SAMHD1: variants seen among roughly 807,000 people sequenced by gnomAD.
SAMHD1 encodes the protein deoxynucleoside triphosphate triphosphohydrolase SAMHD1.
SAMHD1 carries 54 observed loss-of-function variants against 79.6 expected under a neutral mutation model. The observed-to-expected ratio is 0.68, with a 90% CI of 0.55 to 0.85. The LOEUF (loss-of-function observed/expected upper bound fraction) is 0.85, where lower values mean the gene tolerates loss of function less well. Ranked by LOEUF, SAMHD1 falls within the 40% of genes least tolerant of loss-of-function variation. The pLI is 0.00. For synonymous variants in SAMHD1, 260 were observed against 264.1 expected (o/e 0.98, Z 0.15); for missense variants, 663 against 782.7 (o/e 0.85, Z 1.82).
rs1178988134 is a variant in SAMHD1 at position 36,939,075 on chromosome 20, C to CA, written c.348+1963dup. Among the ~76,000 whole-genome samples, 162 of 22,532 alleles carry CA rather than the reference C, an allele frequency of 7.2e-3. 13 individuals carry two copies. The highest frequency in any genetic ancestry group is 0.17 in the Middle Eastern group (2 of 12). 14.8% of individuals were successfully genotyped at this position (22,532 alleles called of 152,430 possible). ...GAAACCTTGCCTCTACTAAAAATAC[C>CA]AAAAAAAAAAAAAAAAAAAAAAAAA... On this transcript the variant is annotated intron_variant, in intron 3 of 15. Transcript: ENST00000646673.
chr20:36,911,009 C>CT (rs1188426013), intron 11 of SAMHD1, among the ~76,000 whole-genome samples: 2 of 152,100 alleles, frequency 1.3e-5, no homozygotes, highest in Non-Finnish European at 2.9e-5. Context: ...AATCCTAGCA[C>CT]TTTGGGAGTC....
chr20:36,927,194 C>T lies in SAMHD1; in HGVS notation c.684G>A (p.Glu228=). Residue 228 remains glutamate, a synonymous_variant, in exon 6 of 16, where the codon GAG becomes GAA. Coordinates refer to ENST00000646673, the MANE Select transcript of SAMHD1 (RefSeq NM_015474.4). ...TATGAATACATACCGTCCATTTCAC[C>T]TCCGGGCGAGCAAGTGGAATAAATC... The part of the protein sequence containing the change: ...DGRFIPLARP[E]VKWTHEQGSV... The T allele has an allele frequency of 6.2e-7, 1 of 1,613,790 alleles. No homozygotes were observed. The highest frequency in any genetic ancestry group is 8.5e-7 in the Non-Finnish European group (1 of 1,179,786).
chr20:36,944,961 A>G (rs907708331), intron 2 of SAMHD1, among the ~76,000 whole-genome samples: 1 of 152,208 alleles, frequency 6.6e-6, no homozygotes, highest in African/African-American at 2.4e-5. Flanking sequence ...ACTCTAATCT[A>G]GACCCTAGAA....
At chr20:36,930,050 T>G (rs1414844142) in intron 5 of SAMHD1, among the ~76,000 whole-genome samples, 2 of 124,944 alleles carry the variant, frequency 1.6e-5, no homozygotes, top group African/African-American at 6.3e-5. Context: ...TATAGCGAGA[T>G]CCTGTTCTCC....
At chr20:36,925,900 ACT>A (rs1420876192) in intron 6 of SAMHD1, among the ~76,000 whole-genome samples, 1 of 151,916 alleles carries the variant, frequency 6.6e-6, no homozygotes, top group African/African-American at 2.4e-5. Context: ...GCATTGGAAA[ACT>A]CTGGTAGTTT....
At position 36,892,891 on chromosome 20, in the gene SAMHD1, T is replaced by G. The variant is rs1182228033; in HGVS notation, c.*41A>C. On this transcript the variant is annotated 3_prime_UTR_variant, in exon 16 of 16. Coordinates refer to ENST00000646673, the MANE Select transcript of SAMHD1 (RefSeq NM_015474.4). ...CTATGATTGAAGCCTCTAAATGAAT[T>G]GTGCAGGAGAGGGAGTTTGTAAACA... The G allele has an allele frequency of 6.2e-7, 1 of 1,612,654 alleles. No homozygotes were observed. The highest frequency in any genetic ancestry group is 1.7e-5 in the Admixed American group (1 of 60,002).
At chr20:36,912,397 A>T in intron 10 of SAMHD1, 64 bp downstream of exon 10, 1 of 935,636 alleles carries the variant, frequency 1.1e-6, no homozygotes, top group Non-Finnish European at 1.8e-6. Flanking sequence ...AGTTGAGCCT[A>T]GTATGATACT....
chr20:36,918,663 G>A (rs1005488722), intron 7 of SAMHD1, among the ~76,000 whole-genome samples: 1 of 151,542 alleles, frequency 6.6e-6, no homozygotes, highest in Admixed American at 6.6e-5. Flanking sequence ...TTTGCCGGGC[G>A]TGGTGGCACA....
intron 3 of SAMHD1, among the ~76,000 whole-genome samples, chr20:36,936,840 T>C (rs1046950210): frequency 4.6e-5 from 7 of 152,146 alleles, no homozygotes; most frequent in Middle Eastern, 6.8e-3. Flanking sequence ...TTTCTTTTTT[T>C]GGTAGAGATG....
chr20:36,893,211 A>G, intron 15 of SAMHD1, 145 bp from the exon 16 acceptor site: 1 of 983,096 alleles, frequency 1.0e-6, no homozygotes, highest in Non-Finnish European at 1.5e-6. Context: ...ACTCCAAATT[A>G]CATATGCCCT....
intron 15 of SAMHD1, 49 bp from the exon 16 acceptor site, chr20:36,893,115 A>G (rs776267197): frequency 1.2e-6 from 2 of 1,604,280 alleles, no homozygotes; most frequent in Admixed American, 1.7e-5. Flanking sequence ...GCCAGTTTCC[A>G]TCATCTTATT....
chr20:36,919,656 A>C, intron 6 of SAMHD1, 137 bp from the exon 7 acceptor site: 2 of 798,772 alleles, frequency 2.5e-6, no homozygotes, highest in Non-Finnish European at 4.0e-6. Flanking sequence ...TCTAACCACA[A>C]TCTTAGGAAC....
chr20:36,915,476 CCT>C (rs1568768782), intron 9 of SAMHD1, among the ~76,000 whole-genome samples: 9 of 152,266 alleles, frequency 5.9e-5, no homozygotes, highest in Admixed American at 2.0e-4. Context: ...GTGGCTTACA[CCT>C]ATAATGCCAG....
intron 3 of SAMHD1, among the ~76,000 whole-genome samples, chr20:36,939,253 CAAAAAAAAAAAAAAA>C (rs57018620): frequency 1.9e-4 from 7 of 36,636 alleles, no homozygotes; most frequent in Admixed American, 1.0e-3. Context: ...GACTCCCTCT[CAAAAAAAAAAAAAAA>C]AAAAAAAAAA....
At chr20:36,906,461 C>T (rs778016438) in intron 11 of SAMHD1, among the ~76,000 whole-genome samples, 21 of 152,024 alleles carry the variant, frequency 1.4e-4, no homozygotes, top group Admixed American at 1.1e-3. Flanking sequence ...AAAAAGAGAA[C>T]GGTCCTGAAG....
rs141205591 is a variant in SAMHD1 at position 36,921,280 on chromosome 20, C to G, written c.697-1761G>C. 8.1e-3 allele frequency among the ~76,000 whole-genome samples: 1,207 copies of G among 149,728 alleles called. 14 individuals are homozygous for G. The highest frequency in any genetic ancestry group is 0.027 in the African/African-American group (1,101 of 40,722). ...TGGTGGCATGCACCTGTAGTCCCAG[C>G]TACTCAGGAGGCTGAAGCAGGAGAA... is the stretch of plus-strand genomic sequence containing the variant. On this transcript the variant is annotated intron_variant, in intron 6 of 15. Coordinates refer to ENST00000646673, the MANE Select transcript of SAMHD1 (RefSeq NM_015474.4).
intron 11 of SAMHD1, among the ~76,000 whole-genome samples, chr20:36,909,443 T>A (rs977622474): frequency 1.3e-5 from 2 of 151,726 alleles, no homozygotes; most frequent in African/African-American, 4.8e-5. Flanking sequence ...CCGAGGCAGA[T>A]GGATCATCTG....
intron 3 of SAMHD1, among the ~76,000 whole-genome samples, chr20:36,936,296 T>C (rs1237322025): frequency 6.6e-6 from 1 of 152,032 alleles, no homozygotes; most frequent in Non-Finnish European, 1.5e-5. Context: ...AATGTGTTTA[T>C]GTGTGTGTGT....
In SAMHD1 at chr20:36,891,957, C is replaced by G. The variant is rs1990085208; in HGVS notation, c.*975G>C. The stretch of plus-strand genomic sequence containing the variant: ...CCTGTGATGGCCTCTGGCCAGCTCT[C>G]CAGGATACTGAGAGAGCAGGTCAGG... On this transcript the variant is annotated 3_prime_UTR_variant, in exon 16 of 16. Transcript: ENST00000646673. 1 of 152,364 alleles carries G rather than the reference C, an allele frequency of 6.6e-6. No homozygotes were observed. The highest frequency in any genetic ancestry group is 2.4e-5 in the African/African-American group (1 of 41,472). The allele number at this position is 152,364 out of a possible 1,614,324, so 9.4% of individuals were successfully genotyped here. A position where few individuals can be genotyped will look rare whatever the true frequency, so the allele number is the denominator to read the frequency against.
Sources: gnomAD v4.1 joint callset for allele counts (sites outside exome capture counted in the v4.1 genomes callset) on GRCh38, gnomAD v4.1.1 for gene constraint, MANE v1.5 for transcripts, NCBI Gene and HGNC (gene_info 2026-07-23, HGNC 2026-07-21) for gene names.